The following SHISA9 variants were observed in gnomAD, a reference collection of about 807,000 sequenced individuals.
The protein encoded by SHISA9 is shisa family member 9.
Under a neutral mutation model 38.0 loss-of-function variants are expected in SHISA9, and 13 were observed. The ratio of observed to expected loss-of-function variants is 0.34; its 90% CI spans 0.22 to 0.54. SHISA9 has a LOEUF of 0.54. Among genes scored for constraint, SHISA9 ranks in the 20% least tolerant of loss-of-function variants. SHISA9 has a pLI of 0.91. For missense variants in SHISA9, 538 were observed against 575.8 expected (o/e 0.93, Z 0.67); for synonymous variants, 275 against 242.0 (o/e 1.14, Z -1.27).
At chr16:13,310,635 T>C in the SHISA9 span, among the ~76,000 whole-genome samples, 1 of 152,132 alleles carries the variant, frequency 6.6e-6, no homozygotes, top group South Asian at 2.1e-4. Context: ...ATGTGAATGT[T>C]TGGTCTAAAT....
chr16:13,317,478 T>C, the SHISA9 span, among the ~76,000 whole-genome samples: 344 of 152,278 alleles, frequency 2.3e-3, no homozygotes, highest in Non-Finnish European at 4.0e-3. Context: ...ATACTTTAAG[T>C]TTTAGGGTAC....
intron 2 of SHISA9, among the ~76,000 whole-genome samples, chr16:13,052,959 C>CTTTTT (rs925020167): frequency 0.029 from 3,040 of 105,754 alleles, 71 homozygotes; most frequent in East Asian, 0.084. Flanking sequence ...TCCTTCCTTT[C>CTTTTT]TTTTTTTTTT....
the SHISA9 span, among the ~76,000 whole-genome samples, chr16:13,445,566 G>T: frequency 6.6e-6 from 1 of 152,180 alleles, no homozygotes; most frequent in South Asian, 2.1e-4. Flanking sequence ...AAATTATTTT[G>T]TTCACTACCC....
At chr16:13,291,336 G>A in the SHISA9 span, among the ~76,000 whole-genome samples, 2 of 152,128 alleles carry the variant, frequency 1.3e-5, no homozygotes, top group African/African-American at 2.4e-5. Flanking sequence ...CTCTTGATAA[G>A]ACTAGTGACA....
chr16:12,931,473 A>G (rs1434251588), intron 2 of SHISA9, among the ~76,000 whole-genome samples: 1 of 152,098 alleles, frequency 6.6e-6, no homozygotes, highest in Non-Finnish European at 1.5e-5. Flanking sequence ...AGTGTCTGTT[A>G]TTCCCATCTT....
At chr16:13,335,798 G>C in the SHISA9 span, among the ~76,000 whole-genome samples, 1 of 152,160 alleles carries the variant, frequency 6.6e-6, no homozygotes, top group Non-Finnish European at 1.5e-5. Context: ...CAGAGTGAAG[G>C]CATCCTGGTT....
At chr16:13,360,358 C>G in the SHISA9 span, among the ~76,000 whole-genome samples, 1 of 152,184 alleles carries the variant, frequency 6.6e-6, no homozygotes, top group East Asian at 1.9e-4. Flanking sequence ...CCACCCAAAT[C>G]TCATCTTGAA....
At chr16:13,449,812 T>C in the SHISA9 span, among the ~76,000 whole-genome samples, 8 of 152,154 alleles carry the variant, frequency 5.3e-5, no homozygotes, top group South Asian at 2.1e-4. Flanking sequence ...TTGTCTCTTT[T>C]CTACAAAGCT....
intron 2 of SHISA9, among the ~76,000 whole-genome samples, chr16:13,033,326 C>T (rs1399090954): frequency 6.6e-6 from 1 of 152,130 alleles, no homozygotes; most frequent in East Asian, 1.9e-4. Context: ...GATAACTGAA[C>T]AAGGAAGAAT....
At chr16:13,073,901 C>T (rs570398727) in intron 2 of SHISA9, among the ~76,000 whole-genome samples, 80 of 151,830 alleles carry the variant, frequency 5.3e-4, no homozygotes, top group Middle Eastern at 3.5e-3. Context: ...AGTCTGTGGA[C>T]TCCTTGGTTT....
the SHISA9 span, among the ~76,000 whole-genome samples, chr16:13,265,624 CCTCTT>C: frequency 7.1e-5 from 10 of 140,972 alleles, no homozygotes; most frequent in African/African-American, 1.8e-4. Flanking sequence ...CCTTTTCTCT[CCTCTT>C]CTCTTCTCTC....
the SHISA9 span, among the ~76,000 whole-genome samples, chr16:13,319,452 C>G: frequency 1.3e-5 from 2 of 152,188 alleles, no homozygotes; most frequent in Non-Finnish European, 2.9e-5. Context: ...ACGAGGTAAA[C>G]CCTACATGAA....
the SHISA9 span, among the ~76,000 whole-genome samples, chr16:13,518,500 C>A: frequency 6.6e-6 from 1 of 152,088 alleles, no homozygotes; most frequent in Non-Finnish European, 1.5e-5. Flanking sequence ...TGCTGATTTC[C>A]CCTCCCTGCA....
chr16:13,066,269 AC>A (rs2141916475), intron 2 of SHISA9, among the ~76,000 whole-genome samples: 1 of 152,306 alleles, frequency 6.6e-6, no homozygotes, highest in South Asian at 2.1e-4. Flanking sequence ...TCAGAAATGG[AC>A]CAGCTCTAGG....
chr16:12,927,212 A>G (rs769365965), intron 2 of SHISA9, among the ~76,000 whole-genome samples: 22 of 152,360 alleles, frequency 1.4e-4, no homozygotes, highest in Non-Finnish European at 2.8e-4. Flanking sequence ...AAGCATTCTC[A>G]ATAAAGTTAA....
At chr16:13,330,859 C>T in the SHISA9 span, among the ~76,000 whole-genome samples, 5 of 152,274 alleles carry the variant, frequency 3.3e-5, no homozygotes, top group South Asian at 1.0e-3. Context: ...CTAGCCCATA[C>T]TCCACTCATC....
At chr16:12,917,854 G>A (rs1487596241) in intron 2 of SHISA9, among the ~76,000 whole-genome samples, 3 of 152,198 alleles carry the variant, frequency 2.0e-5, no homozygotes, top group African/African-American at 4.8e-5. Context: ...TTGCCTGGGT[G>A]TTTTATTTGC....
the SHISA9 span, among the ~76,000 whole-genome samples, chr16:13,386,703 G>C: frequency 1.3e-5 from 2 of 152,146 alleles, no homozygotes; most frequent in African/African-American, 4.8e-5. Context: ...TTCTATATCA[G>C]TCTGTTATTT....
chr16:12,962,282 G>C (rs1277896718), intron 2 of SHISA9, among the ~76,000 whole-genome samples: 2 of 152,242 alleles, frequency 1.3e-5, no homozygotes, highest in Non-Finnish European at 2.9e-5. Flanking sequence ...GAGAGAGCCA[G>C]AGTCAGGGTT....
Sources: gnomAD v4.1 joint callset for allele counts (sites outside exome capture counted in the v4.1 genomes callset) on GRCh38, gnomAD v4.1.1 for gene constraint, MANE v1.5 for transcripts, NCBI Gene and HGNC (gene_info 2026-07-23, HGNC 2026-07-21) for gene names.